GSPT1: variants seen among roughly 807,000 people sequenced by gnomAD.
GSPT1 encodes G1 to S phase transition 1.
In GSPT1, 20 loss-of-function variants were observed where a neutral mutation model predicts 72.5. The observed-to-expected ratio is 0.28, with a 90% CI of 0.19 to 0.40. The LOEUF (loss-of-function observed/expected upper bound fraction) is 0.40. Ranked by LOEUF, GSPT1 falls within the 10% of genes least tolerant of loss-of-function variation. GSPT1 has a pLI of 1.00. For missense variants in GSPT1, 580 were observed against 811.9 expected (o/e 0.71, Z 3.47); for synonymous variants, 334 against 293.5 (o/e 1.14, Z -1.41).
At chr16:11,912,347 C>CAA (rs57472965) in intron 1 of GSPT1, among the ~76,000 whole-genome samples, 8 of 110,722 alleles carry the variant, frequency 7.2e-5, no homozygotes, top group South Asian at 2.8e-4. Context: ...GACTCCGTCT[C>CAA]AAAAAAAAAA....
In GSPT1 at chr16:11,892,517, A is replaced by AAAAAT. The variant is rs1555504699; in HGVS notation, c.699-1379_699-1378insATTTT. Among the ~76,000 whole-genome samples the AAAAAT allele has an allele frequency of 1.7e-4, 21 of 124,336 alleles. 1 individual carries two copies. Among genetic ancestry groups the AAAAAT allele is most frequent in the African/African-American group, 7.8e-4 (21 of 26,756 alleles). 81.6% of individuals were successfully genotyped at this position (124,336 alleles called of 152,430 possible). On this transcript the variant is annotated intron_variant, in intron 5 of 14. Coordinates refer to ENST00000434724, the MANE Select transcript of GSPT1 (RefSeq NM_002094.4). The stretch of plus-strand genomic sequence containing the variant: ...GGGAGACCCTTTCTCAAAAAAACAA[A>AAAAAT]AAAAACAAAAAAAACAAAAAATAAA...
Position 11,877,288 on chromosome 16 carries a change from C to A in GSPT1, c.1602+119G>T, listed in dbSNP as rs1025032743. On this transcript the variant is annotated intron_variant, in intron 12 of 14. Coordinates refer to ENST00000434724, the MANE Select transcript of GSPT1 (RefSeq NM_002094.4). This position sits in a 1 kb window ranked among gnomAD's most constrained non-coding sequence, Gnocchi z 4.0. ...AGTGGCTTATAATATTTCCATTCCCCTTCTCTACACTAAGATGGGTTAACT... is the reference window on the plus strand; with the variant it reads ...AGTGGCTTATAATATTTCCATTCCCATTCTCTACACTAAGATGGGTTAACT... The A allele has an allele frequency of 1.4e-5, 9 of 653,254 alleles. No homozygotes were observed. The highest frequency in any genetic ancestry group is 3.9e-4 in the Middle Eastern group (1 of 2,532). 40.5% of individuals were successfully genotyped at this position (653,254 alleles called of 1,614,324 possible).
At chr16:11,892,440 T>C (rs925230086) in intron 5 of GSPT1, among the ~76,000 whole-genome samples, 8 of 144,318 alleles carry the variant, frequency 5.5e-5, no homozygotes, top group African/African-American at 1.8e-4. Flanking sequence ...GTCCATGAGG[T>C]TGAGGCTGCA....
At chr16:11,916,330 G>C (rs1398660806), upstream of GSPT1, among the ~76,000 whole-genome samples, 12 of 152,256 alleles carry the variant, frequency 7.9e-5, no homozygotes. Context: ...GCCGAAGACC[G>C]AGAGTATTTT....
intron 1 of GSPT1, chr16:11,914,943 C>T: frequency 8.9e-7 from 1 of 1,123,148 alleles, no homozygotes; most frequent in South Asian, 1.3e-5. Context: ...GAAAGGAAAA[C>T]TCGGCCATTC....
intron 3 of GSPT1, 115 bp from the exon 4 acceptor site, chr16:11,896,900 T>A (rs1596469392): frequency 1.4e-6 from 1 of 701,222 alleles, no homozygotes; most frequent in Non-Finnish European, 2.4e-6. Context: ...CATTTCCTAA[T>A]GCCTAGTGAC....
chr16:11,885,406 A>G (rs2054175497), intron 9 of GSPT1, 132 bp from the exon 10 acceptor site: 7 of 604,160 alleles, frequency 1.2e-5, no homozygotes, highest in Admixed American at 9.8e-5. Context: ...CCACTTTATT[A>G]TCCATTTCAT....
chr16:11,888,205 C>G (rs951000985), intron 6 of GSPT1, among the ~76,000 whole-genome samples: 2 of 151,500 alleles, frequency 1.3e-5, no homozygotes, highest in African/African-American at 4.9e-5. Context: ...GTGGCTCACG[C>G]CTGTAATCCC....
Position 11,886,471 on chromosome 16 carries a change from A to G in GSPT1, c.1253T>C (p.Ile418Thr). 1 of 1,607,708 alleles carries G rather than the reference A, an allele frequency of 6.2e-7. No homozygotes were observed. Among genetic ancestry groups the G allele is most frequent in the Non-Finnish European group, 8.5e-7 (1 of 1,176,490 alleles). ...KEQSDFCPWY[I>T]GLPFIPYLDN... ...AAAAAAGGAAAAAACAGTTACTTAC[A>G]TGTACCAAGGACAGAAATCCGACTG... The change falls in exon 9 of 15, where the codon ATT becomes ACT. Residue 418 changes from isoleucine (I) to threonine (T), a missense_variant and splice_region_variant. Coordinates refer to ENST00000434724, the MANE Select transcript of GSPT1 (RefSeq NM_002094.4).
chr16:11,896,534 T>TTTA, intron 4 of GSPT1, 24 bp downstream of exon 4: 1 of 1,332,654 alleles, frequency 7.5e-7, no homozygotes, highest in Non-Finnish European at 1.1e-6. Flanking sequence ...TCCAGTAACT[T>TTTA]TAATTGCTAT....
At chr16:11,914,580 C>A (rs1476881104) in intron 1 of GSPT1, among the ~76,000 whole-genome samples, 1 of 152,166 alleles carries the variant, frequency 6.6e-6, no homozygotes, top group African/African-American at 2.4e-5. Context: ...TTATTCCAAG[C>A]AATCTGAATA....
intron 11 of GSPT1, among the ~76,000 whole-genome samples, chr16:11,879,967 T>C (rs2054101543): frequency 1.3e-5 from 2 of 152,132 alleles, no homozygotes. Context: ...TATTCAGAAC[T>C]CTGAAATCTT....
chr16:11,896,224 C>A (rs2054336769), intron 4 of GSPT1, among the ~76,000 whole-genome samples: 1 of 152,136 alleles, frequency 6.6e-6, no homozygotes, highest in Non-Finnish European at 1.5e-5. Context: ...AACAAGTTAA[C>A]TGAGGTTCAC....
At chr16:11,874,176 C>A (rs1210485166) in intron 14 of GSPT1, among the ~76,000 whole-genome samples, 2 of 151,960 alleles carry the variant, frequency 1.3e-5, no homozygotes, top group Non-Finnish European at 2.9e-5. Flanking sequence ...TCTAAATGTT[C>A]TAATATTAGT....
rs534843012 is a variant in GSPT1 at position 11,871,778 on chromosome 16, C to T, written c.*1341G>A. 4 of 152,134 alleles carry T rather than the reference C, an allele frequency of 2.6e-5. No individual in the cohort carries two copies. In the South Asian group the frequency reaches 8.3e-4, roughly 32 times the overall value. 9.4% of individuals were successfully genotyped at this position (152,134 alleles called of 1,614,324 possible). A position where few individuals can be genotyped will look rare whatever the true frequency, so the allele number is the denominator to read the frequency against. On this transcript the variant is annotated 3_prime_UTR_variant, in exon 15 of 15. Transcript: ENST00000434724. ...AACATCAAGGGGGCTTTGGATAAACCCACAAATTGCCTCCATTCCTCATTT... is the reference window on the plus strand; with the variant it reads ...AACATCAAGGGGGCTTTGGATAAACTCACAAATTGCCTCCATTCCTCATTT...
At chr16:11,910,066 C>T (rs1369681189) in intron 1 of GSPT1, among the ~76,000 whole-genome samples, 1 of 152,024 alleles carries the variant, frequency 6.6e-6, no homozygotes, top group Non-Finnish European at 1.5e-5. Context: ...AATTATACTC[C>T]AGCTTGGGTG....
At chr16:11,911,410 A>G (rs182518183) in intron 1 of GSPT1, among the ~76,000 whole-genome samples, 1 of 152,246 alleles carries the variant, frequency 6.6e-6, no homozygotes, top group East Asian at 1.9e-4. Flanking sequence ...CTTTTTGGAC[A>G]GTGTCTCATT....
At chr16:11,891,942 T>G (rs1034855168) in intron 5 of GSPT1, among the ~76,000 whole-genome samples, 3 of 151,358 alleles carry the variant, frequency 2.0e-5, no homozygotes, top group Admixed American at 2.0e-4. Flanking sequence ...AATACTGGCA[T>G]GAGAACCACC....
At chr16:11,907,216 C>A (rs1172755091) in intron 1 of GSPT1, among the ~76,000 whole-genome samples, 1 of 152,196 alleles carries the variant, frequency 6.6e-6, no homozygotes, top group Admixed American at 6.5e-5. Flanking sequence ...ATGGTCCAAG[C>A]TCACAGGTCC....
Sources: gnomAD v4.1 joint callset for allele counts (sites outside exome capture counted in the v4.1 genomes callset) on GRCh38, gnomAD v4.1.1 for gene constraint, Gnocchi (gnomAD v3.1) non-coding constraint, MANE v1.5 for transcripts, NCBI Gene and HGNC (gene_info 2026-07-23, HGNC 2026-07-21) for gene names.